EBF2: variants seen among roughly 807,000 people sequenced by gnomAD.
The protein encoded by EBF2 is transcription factor COE2.
EBF2 carries 21 observed loss-of-function variants against 72.8 expected under a neutral mutation model. The ratio of observed to expected loss-of-function variants is 0.29; its 90% CI spans 0.20 to 0.42. The LOEUF (loss-of-function observed/expected upper bound fraction) is 0.42. Among genes scored for constraint, EBF2 ranks in the 10% least tolerant of loss-of-function variants. EBF2 has a pLI of 1.00. For synonymous variants in EBF2, 299 were observed against 274.2 expected (o/e 1.09, Z -0.89); for missense variants, 637 against 731.2 (o/e 0.87, Z 1.49).
At chr8:25,897,757 C>G (rs150103896) in intron 7 of EBF2, among the ~76,000 whole-genome samples, 1 of 152,284 alleles carries the variant, frequency 6.6e-6, no homozygotes, top group East Asian at 1.9e-4. Flanking sequence ...TTATCTGATC[C>G]ACCATTGATG....
intron 5 of EBF2, among the ~76,000 whole-genome samples, chr8:26,037,732 A>G (rs555907596): frequency 1.1e-4 from 16 of 152,348 alleles, no homozygotes; most frequent in African/African-American, 3.4e-4. Flanking sequence ...TGGCAGCGAC[A>G]TAACAACTAG....
chr8:25,954,618 C>T (rs539533989), intron 6 of EBF2, among the ~76,000 whole-genome samples: 1 of 152,274 alleles, frequency 6.6e-6, no homozygotes, highest in East Asian at 1.9e-4. Flanking sequence ...CACCGTTTCC[C>T]ACATGCTTAT....
chr8:25,887,750 G>A, intron 9 of EBF2, 92 bp downstream of exon 9: 5 of 1,371,492 alleles, frequency 3.6e-6, no homozygotes, highest in Non-Finnish European at 4.8e-6. Flanking sequence ...TGACTTTTAT[G>A]CTTTTTTACC....
At chr8:25,957,684 A>G (rs942694825) in intron 6 of EBF2, among the ~76,000 whole-genome samples, 8 of 152,278 alleles carry the variant, frequency 5.3e-5, no homozygotes, top group Admixed American at 6.5e-5. Context: ...GCAACATAGC[A>G]AGACCCTATC....
intron 7 of EBF2, among the ~76,000 whole-genome samples, chr8:25,902,118 C>T (rs1802964179): frequency 6.6e-6 from 1 of 152,144 alleles, no homozygotes; most frequent in East Asian, 1.9e-4. Context: ...CAACAATAAG[C>T]TCTAAATTAT....
chr8:25,917,198 G>GTTTTTTT (rs1375771411), intron 6 of EBF2, among the ~76,000 whole-genome samples: 1 of 96,082 alleles, frequency 1.0e-5, no homozygotes. Context: ...TGTGGTTTGG[G>GTTTTTTT]GTTTTTTTTT....
At chr8:26,004,616 A>G (rs1804801310) in intron 6 of EBF2, among the ~76,000 whole-genome samples, 1 of 143,920 alleles carries the variant, frequency 6.9e-6, no homozygotes, top group Non-Finnish European at 1.5e-5. Flanking sequence ...CAGAGGTTGC[A>G]GTGAGCCAAG....
In EBF2 at chr8:25,892,045, A is replaced by T. The variant is rs531406748; in HGVS notation, c.634-2176T>A. 6.7e-4 allele frequency among the ~76,000 whole-genome samples: 102 copies of T among 152,048 alleles called. 1 individual carries two copies. The highest frequency in any genetic ancestry group is 2.8e-4 in the Non-Finnish European group (19 of 68,014). ...GCCATTCTCATCTCAGCTACAGTAG[A>T]CCCCTTATCCAAGAGGTCTATGCTC... is the stretch of plus-strand genomic sequence containing the variant. On this transcript the variant is annotated intron_variant, in intron 7 of 15. Coordinates refer to ENST00000520164, the MANE Select transcript of EBF2 (RefSeq NM_022659.4).
intron 6 of EBF2, among the ~76,000 whole-genome samples, chr8:25,929,150 T>G (rs1360851744): frequency 6.6e-6 from 1 of 152,202 alleles, no homozygotes; most frequent in East Asian, 1.9e-4. Flanking sequence ...CTGCTCATGT[T>G]GATTCATTTA....
chr8:25,986,527 T>C (rs1804460312), intron 6 of EBF2, among the ~76,000 whole-genome samples: 1 of 152,240 alleles, frequency 6.6e-6, no homozygotes, highest in African/African-American at 2.4e-5. Context: ...CCTTGTTCGA[T>C]GCTTGACTGT....
chr8:25,985,624 C>T (rs941160902), intron 6 of EBF2, among the ~76,000 whole-genome samples: 1 of 152,142 alleles, frequency 6.6e-6, no homozygotes, highest in African/African-American at 2.4e-5. Context: ...AAATCCCTGA[C>T]ATTCACTGAA....
chr8:25,969,946 G>A (rs1345271395), intron 6 of EBF2, among the ~76,000 whole-genome samples: 2 of 152,186 alleles, frequency 1.3e-5, no homozygotes. Context: ...AGTGCCTGAT[G>A]CATGGCAAAT....
intron 14 of EBF2, among the ~76,000 whole-genome samples, chr8:25,852,842 G>C (rs1255638413): frequency 1.3e-5 from 2 of 152,170 alleles, no homozygotes; most frequent in African/African-American, 2.4e-5. Context: ...ATGTTTATCT[G>C]TTTCATAAAA....
intron 6 of EBF2, among the ~76,000 whole-genome samples, chr8:26,017,602 G>A (rs374461086): frequency 8.6e-5 from 13 of 151,956 alleles, no homozygotes; most frequent in East Asian, 1.9e-4. Context: ...TTTATAGTCC[G>A]CTTGCTTTTA....
chr8:25,853,964 A>T (rs1312468514), intron 14 of EBF2, among the ~76,000 whole-genome samples: 1 of 152,122 alleles, frequency 6.6e-6, no homozygotes, highest in Non-Finnish European at 1.5e-5. Flanking sequence ...GGCTGATGGG[A>T]TTATGAATAC....
At chr8:25,846,326 C>T (rs909391603) in intron 15 of EBF2, among the ~76,000 whole-genome samples, 2 of 151,942 alleles carry the variant, frequency 1.3e-5, no homozygotes, top group African/African-American at 4.8e-5. Context: ...CAACTGGAAG[C>T]AGCTGATAAA....
chr8:25,892,205 A>G (rs1228439914), intron 7 of EBF2, among the ~76,000 whole-genome samples: 2 of 152,256 alleles, frequency 1.3e-5, no homozygotes, highest in Non-Finnish European at 2.9e-5. Flanking sequence ...TATTTGAAAT[A>G]GAACAATTAT....
chr8:26,029,505 C>T (rs1805362686), intron 6 of EBF2, among the ~76,000 whole-genome samples: 1 of 152,178 alleles, frequency 6.6e-6, no homozygotes, highest in South Asian at 2.1e-4. Flanking sequence ...AAGGAAGAAG[C>T]TTAAGGGGTC....
chr8:25,910,341 AC>A, intron 6 of EBF2, among the ~76,000 whole-genome samples: 1 of 152,148 alleles, frequency 6.6e-6, no homozygotes, highest in East Asian at 1.9e-4. Flanking sequence ...CCCCCGCTGC[AC>A]CCCACACTGG....
Sources: allele counts gnomAD v4.1 joint callset (sites outside exome capture counted in the v4.1 genomes callset), GRCh38; gene constraint gnomAD v4.1.1; transcripts MANE v1.5; gene names NCBI Gene and HGNC (gene_info 2026-07-23, HGNC 2026-07-21).